Variants in ZNF391 observed in about 807,000 individuals in gnomAD.
The protein encoded by ZNF391 is zinc finger protein 391.
For synonymous variants in ZNF391, 126 were observed against 142.1 expected, an observed-to-expected ratio of 0.89 and a Z score of 0.80; for missense variants, 375 against 425.5, an observed-to-expected ratio of 0.88 and a Z score of 1.04.
At chr6:27,397,614 A>C (rs1305976667) in intron 1 of ZNF391, among the ~76,000 whole-genome samples, 6 of 152,168 alleles carry the variant, frequency 3.9e-5, no homozygotes, top group Admixed American at 3.3e-4. Context: ...GAATGTTGGC[A>C]TCATAAAGTA....
rs1170509392 is a variant in ZNF391, at chr6:27,388,817, T to G, written c.-446T>G. The G allele has an allele frequency of 2.3e-6, 1 of 429,780 alleles. No individual in the cohort carries two copies. 26.6% of individuals were successfully genotyped at this position (429,780 alleles called of 1,614,324 possible). ...GTCAGGAGACTTAGGTCCAGGCGAC[T>G]GCCCAGACAATGACTGGTCCCGCAT... On this transcript the variant is annotated 5_prime_UTR_variant, in exon 1 of 3. Coordinates refer to ENST00000244576, the MANE Select transcript of ZNF391 (RefSeq NM_001076781.3).
Position 27,401,348 on chromosome 6 carries a change from T to G in ZNF391, c.978T>G (p.Thr326=). The G allele has an allele frequency of 6.2e-7, 1 of 1,614,072 alleles. No homozygotes were observed. The highest frequency in any genetic ancestry group is 8.5e-7 in the Non-Finnish European group (1 of 1,180,014). ...RSSSLIIHQR[T]HTGEKPYKCN... ...CATCCCTTATTATTCATCAGAGAAC[T>G]CATACCGGGGAGAAGCCGTACAAAT... The change falls in exon 3 of 3, where the codon ACT becomes ACG. Residue 326 remains threonine, a synonymous_variant. Coordinates refer to ENST00000244576, the MANE Select transcript of ZNF391 (RefSeq NM_001076781.3).
intron 1 of ZNF391, among the ~76,000 whole-genome samples, chr6:27,380,529 A>G (rs1331514256): frequency 6.6e-6 from 1 of 152,126 alleles, no homozygotes; most frequent in Non-Finnish European, 1.5e-5. Context: ...TAATGCAAAC[A>G]GTGAAACAAC....
At position 27,401,876 on chromosome 6, in the gene ZNF391, C is replaced by T. The variant is rs1355642977; in HGVS notation, c.*429C>T. ...TCCTCTGTTTTCTAACCACATCAGC[C>T]CCTGCACATGAAGAGAAAATCCTGT... is the stretch of plus-strand genomic sequence containing the variant. On this transcript the variant is annotated 3_prime_UTR_variant, in exon 3 of 3. Coordinates refer to ENST00000244576, the MANE Select transcript of ZNF391 (RefSeq NM_001076781.3). 1 of 157,628 alleles carries T rather than the reference C, an allele frequency of 6.3e-6. No individual in the cohort carries two copies. The highest frequency in any genetic ancestry group is 1.4e-5 in the Non-Finnish European group (1 of 71,200). The allele number at this position is 157,628 out of a possible 1,614,324, so 9.8% of individuals were successfully genotyped here. A position where few individuals can be genotyped will look rare whatever the true frequency, so the allele number is the denominator to read the frequency against.
rs386406591 is a variant in ZNF391, at chr6:27,391,201, C to CTTTTTTTTTTT, written c.-188+2136_-188+2146dup. On this transcript the variant is annotated intron_variant, in intron 1 of 2. Coordinates refer to ENST00000244576, the MANE Select transcript of ZNF391 (RefSeq NM_001076781.3). ...GGATTACTTTGGGGCATTCATTGTA[C>CTTTTTTTTTTT]TTTTTTTTTTTTTTTTTTTTGAGAC... 4.2e-4 allele frequency: 41 copies of CTTTTTTTTTTT among 97,256 alleles called. 1 individual carries two copies. The highest frequency in any genetic ancestry group is 5.6e-4 in the Non-Finnish European group (29 of 51,516). 6.0% of individuals were successfully genotyped at this position (97,256 alleles called of 1,614,324 possible).
At chr6:27,379,790 G>C (rs1203879079) in intron 1 of ZNF391, among the ~76,000 whole-genome samples, 2 of 152,166 alleles carry the variant, frequency 1.3e-5, no homozygotes. Flanking sequence ...TTTAACCAGA[G>C]CCTAACCTGC....
At position 27,401,249 on chromosome 6, in the gene ZNF391, A is replaced by G; in HGVS notation, c.879A>G (p.Thr293=). ...GKVFSRSSSL[T]EHQRIHSGEK... is the part of the protein sequence containing the mutation. ...TGTTCAGTCGAAGCTCGTCTCTTAC[A>G]GAACATCAGAGAATCCACAGTGGAG... The change falls in exon 3 of 3, where the codon ACA becomes ACG. Residue 293 remains threonine (T), a synonymous_variant. Transcript: ENST00000244576. 1.2e-6 allele frequency: 2 copies of G among 1,614,042 alleles called. No homozygotes were observed. Among genetic ancestry groups the G allele is most frequent in the Non-Finnish European group, 1.7e-6 (2 of 1,179,990 alleles).
chr6:27,388,640 A>G (rs56681435), upstream of ZNF391: 1,587 of 311,942 alleles, frequency 5.1e-3, 23 homozygotes, highest in African/African-American at 0.028. Context: ...CCTCTCGCAT[A>G]CCAGGGGAGG....
At chr6:27,391,756 G>A (rs1761719503) in intron 1 of ZNF391, among the ~76,000 whole-genome samples, 4 of 152,112 alleles carry the variant, frequency 2.6e-5, no homozygotes, top group Admixed American at 2.6e-4. Flanking sequence ...AGATGAGTCT[G>A]CCAAATTTTG....
chr6:27,381,133 G>A (rs1049507272), intron 1 of ZNF391, among the ~76,000 whole-genome samples: 2 of 152,242 alleles, frequency 1.3e-5, no homozygotes, highest in Non-Finnish European at 2.9e-5. Flanking sequence ...GCTCATCGGG[G>A]AGGCTTGGGC....
At chr6:27,381,960 G>C (rs947729877) in intron 1 of ZNF391, among the ~76,000 whole-genome samples, 1 of 151,414 alleles carries the variant, frequency 6.6e-6, no homozygotes, top group African/African-American at 2.4e-5. Flanking sequence ...CTTGAACCTG[G>C]AAGGCGGAGG....
upstream of ZNF391, among the ~76,000 whole-genome samples, chr6:27,387,681 C>T (rs6913166): frequency 0.55 from 83,740 of 151,918 alleles, 23,369 homozygotes; most frequent in Admixed American, 0.59. Context: ...ATATCTAGAA[C>T]AGGCAAATTC....
At position 27,401,455 on chromosome 6, in the gene ZNF391, G is replaced by A. The variant is rs1761968109; in HGVS notation, c.*8G>A. The A allele has an allele frequency of 1.3e-6, 2 of 1,585,570 alleles. No homozygotes were observed. Among genetic ancestry groups the A allele is most frequent in the African/African-American group, 1.3e-5 (1 of 74,112 alleles). On this transcript the variant is annotated 3_prime_UTR_variant, in exon 3 of 3. Coordinates refer to ENST00000244576, the MANE Select transcript of ZNF391 (RefSeq NM_001076781.3). ...CTTCATACTAAAGAGTAATATCTGA[G>A]CTTTTATTAATGTTAGCATAAGAAC...
chr6:27,382,889 G>A (rs746266416), intron 1 of ZNF391, among the ~76,000 whole-genome samples: 4 of 152,142 alleles, frequency 2.6e-5, no homozygotes, highest in Admixed American at 6.5e-5. Context: ...GGAGGCCAAG[G>A]TGGGCAGATC....
intron 1 of ZNF391, among the ~76,000 whole-genome samples, chr6:27,390,369 C>A (rs755339046): frequency 1.3e-5 from 2 of 152,036 alleles, no homozygotes; most frequent in Non-Finnish European, 2.9e-5. Context: ...CATGTTGTGA[C>A]CACTTAAGAG....
upstream of ZNF391, among the ~76,000 whole-genome samples, chr6:27,385,318 A>C (rs1305687075): frequency 6.6e-6 from 1 of 152,210 alleles, no homozygotes; most frequent in Non-Finnish European, 1.5e-5. Flanking sequence ...CTATATCAAT[A>C]ATACTTTCAA....
intron 1 of ZNF391, among the ~76,000 whole-genome samples, chr6:27,377,216 A>G (rs1215097491): frequency 2.6e-5 from 4 of 152,260 alleles, no homozygotes; most frequent in African/African-American, 9.6e-5. Flanking sequence ...ACTAGGCAAG[A>G]TTAATGAAAG....
intron 1 of ZNF391, among the ~76,000 whole-genome samples, chr6:27,378,372 G>C (rs1019545789): frequency 6.6e-6 from 1 of 152,104 alleles, no homozygotes; most frequent in Non-Finnish European, 1.5e-5. Flanking sequence ...AAGGGAGATA[G>C]GGGTGGGGCC....
rs949507732 is a variant in ZNF391, at chr6:27,389,059, A to T, written c.-204A>T. ...GAGGCGGCCGGTGAGTGAGGCTTAC[A>T]GGGCCCCGGGACCAAGGTGGGTGCT... On this transcript the variant is annotated 5_prime_UTR_variant, in exon 1 of 3. Coordinates refer to ENST00000244576, the MANE Select transcript of ZNF391 (RefSeq NM_001076781.3). 8 of 456,170 alleles carry T rather than the reference A, an allele frequency of 1.8e-5. No individual in the cohort carries two copies. The highest frequency in any genetic ancestry group is 3.1e-5 in the Non-Finnish European group (7 of 226,834). The allele number at this position is 456,170 out of a possible 1,614,324, so 28.3% of individuals were successfully genotyped here.
Sources: allele counts gnomAD v4.1 joint callset (sites outside exome capture counted in the v4.1 genomes callset), GRCh38; gene constraint gnomAD v4.1.1; transcripts MANE v1.5; gene names NCBI Gene and HGNC (gene_info 2026-07-23, HGNC 2026-07-21).